The following B3GALT1 variants were observed in gnomAD, a reference collection of about 807,000 sequenced individuals.
B3GALT1 encodes beta-1,3-galactosyltransferase 1.
B3GALT1 carries 10 observed loss-of-function variants against 23.2 expected under a neutral mutation model. The ratio of observed to expected loss-of-function variants is 0.43; its 90% CI spans 0.27 to 0.73. The LOEUF (loss-of-function observed/expected upper bound fraction) is 0.73. B3GALT1 is among the 30% of genes least tolerant of loss of function. The pLI is 0.21. For synonymous variants in B3GALT1, 156 were observed against 141.5 expected, an observed-to-expected ratio of 1.10 and a Z score of -0.73; for missense variants, 299 against 405.4, an observed-to-expected ratio of 0.74 and a Z score of 2.25.
At chr2:167,498,591 CATTTA>C (rs1347370414) in intron 2 of B3GALT1, among the ~76,000 whole-genome samples, 2 of 152,118 alleles carry the variant, frequency 1.3e-5, no homozygotes, top group South Asian at 2.1e-4. Context: ...GGAGATCAGA[CATTTA>C]AAGAATGGGA....
chr2:167,723,527 CTT>C (rs77413935), intron 3 of B3GALT1, among the ~76,000 whole-genome samples: 4 of 145,138 alleles, frequency 2.8e-5, no homozygotes, highest in African/African-American at 5.0e-5. Flanking sequence ...TCTTTCTTTC[CTT>C]TTTTTTTTTG....
intron 3 of B3GALT1, among the ~76,000 whole-genome samples, chr2:167,692,847 C>T (rs879902526): frequency 6.6e-6 from 1 of 151,922 alleles, no homozygotes; most frequent in Non-Finnish European, 1.5e-5. Context: ...GCTATTTTAA[C>T]TCAGTGAATT....
intron 3 of B3GALT1, among the ~76,000 whole-genome samples, chr2:167,747,608 A>C (rs1250929776): frequency 6.6e-6 from 1 of 152,204 alleles, no homozygotes; most frequent in African/African-American, 2.4e-5. Context: ...GTTTTGCCCA[A>C]CCTTGGTCCT....
intron 2 of B3GALT1, among the ~76,000 whole-genome samples, chr2:167,602,136 A>G (rs1684888501): frequency 6.6e-6 from 1 of 152,200 alleles, no homozygotes; most frequent in Non-Finnish European, 1.5e-5. Flanking sequence ...TATTTTTTAA[A>G]TTCCAGACTG....
At position 167,525,355 on chromosome 2, in the gene B3GALT1, T is replaced by C. The variant is rs192056031; in HGVS notation, c.-410+35078T>C. On this transcript the variant is annotated intron_variant, in intron 2 of 4. Transcript: ENST00000392690. ...TCATTTTTTAGTCTGCTTTTATTCA[T>C]TTAGCAAAATATTTAGAACATTTCA... Among the ~76,000 whole-genome samples the C allele has an allele frequency of 3.0e-3, 451 of 152,258 alleles. 4 individuals carry two copies. The highest frequency in any genetic ancestry group is 0.01 in the African/African-American group (431 of 41,570).
At chr2:167,303,682 C>CGG (rs1696497374) in intron 1 of B3GALT1, among the ~76,000 whole-genome samples, 1 of 148,722 alleles carries the variant, frequency 6.7e-6, no homozygotes, top group Non-Finnish European at 1.5e-5. Context: ...CACACACACA[C>CGG]AGAGAGAGAC....
intron 4 of B3GALT1, among the ~76,000 whole-genome samples, chr2:167,838,569 A>T (rs373800518): frequency 1.3e-5 from 2 of 152,388 alleles, no homozygotes; most frequent in Admixed American, 6.5e-5. Context: ...CAGGACCAGA[A>T]GGATTCACAG....
intron 2 of B3GALT1, among the ~76,000 whole-genome samples, chr2:167,559,776 A>G (rs905009677): frequency 4.6e-5 from 7 of 152,168 alleles, no homozygotes; most frequent in East Asian, 3.9e-4. Context: ...AAAGAAATGA[A>G]CAAAGCCTCC....
At chr2:167,739,411 A>T (rs957454617) in intron 3 of B3GALT1, among the ~76,000 whole-genome samples, 3 of 152,226 alleles carry the variant, frequency 2.0e-5, no homozygotes, top group African/African-American at 7.2e-5. Flanking sequence ...AATGGGAATT[A>T]GGAAATATTT....
At chr2:167,564,002 C>T (rs71428984) in intron 2 of B3GALT1, among the ~76,000 whole-genome samples, 12 of 144,342 alleles carry the variant, frequency 8.3e-5, no homozygotes, top group Non-Finnish European at 1.5e-4. Flanking sequence ...GACGGGGGGC[C>T]GACCCTCCCA....
intron 2 of B3GALT1, among the ~76,000 whole-genome samples, chr2:167,512,182 C>T (rs1245756562): frequency 6.6e-6 from 1 of 151,864 alleles, no homozygotes; most frequent in African/African-American, 2.4e-5. Context: ...TCATTTCCAA[C>T]ATTAGCTGAA....
At chr2:167,470,308 C>A (rs1303997704) in intron 1 of B3GALT1, among the ~76,000 whole-genome samples, 1 of 152,168 alleles carries the variant, frequency 6.6e-6, no homozygotes, top group Non-Finnish European at 1.5e-5. Flanking sequence ...TCTGTTAACT[C>A]ATTTTCCTGG....
intron 2 of B3GALT1, among the ~76,000 whole-genome samples, chr2:167,571,019 T>A (rs2105400083): frequency 6.6e-6 from 1 of 152,084 alleles, no homozygotes; most frequent in African/African-American, 2.4e-5. Context: ...TTAAAACTAT[T>A]TTGGAAACTG....
At chr2:167,531,765 T>C (rs931617406) in intron 2 of B3GALT1, among the ~76,000 whole-genome samples, 1 of 152,206 alleles carries the variant, frequency 6.6e-6, no homozygotes, top group African/African-American at 2.4e-5. Flanking sequence ...TTAACTATTA[T>C]GACAATATAT....
chr2:167,455,024 A>C (rs572868458), intron 1 of B3GALT1, among the ~76,000 whole-genome samples: 1 of 152,320 alleles, frequency 6.6e-6, no homozygotes, highest in South Asian at 2.1e-4. Flanking sequence ...TTAAAATGCC[A>C]AGCCTTTAGT....
intron 2 of B3GALT1, chr2:167,558,004 C>G (rs943190443): frequency 5.3e-5 from 8 of 152,220 alleles, no homozygotes; most frequent in African/African-American, 1.9e-4. Flanking sequence ...TTGTTTCCTG[C>G]TTCAGAATGC....
chr2:167,591,613 G>A (rs145582624), intron 2 of B3GALT1, among the ~76,000 whole-genome samples: 1 of 152,116 alleles, frequency 6.6e-6, no homozygotes, highest in African/African-American at 2.4e-5. Context: ...GGAACTACAG[G>A]TGCATGCAAC....
chr2:167,406,565 T>C (rs1698282013), intron 1 of B3GALT1, among the ~76,000 whole-genome samples: 3 of 152,112 alleles, frequency 2.0e-5, no homozygotes. Context: ...AAAAGTGAGA[T>C]TGAGATGGTC....
intron 1 of B3GALT1, among the ~76,000 whole-genome samples, chr2:167,325,965 C>T (rs1240963495): frequency 6.6e-6 from 1 of 151,984 alleles, no homozygotes; most frequent in East Asian, 1.9e-4. Flanking sequence ...GTCCACCCGC[C>T]TTGGCCTCCC....
Sources: gnomAD v4.1 joint callset for allele counts (sites outside exome capture counted in the v4.1 genomes callset) on GRCh38, gnomAD v4.1.1 for gene constraint, MANE v1.5 for transcripts, NCBI Gene and HGNC (gene_info 2026-07-23, HGNC 2026-07-21) for gene names.